RABGAP1L: variants seen among roughly 807,000 people sequenced by gnomAD.
RABGAP1L encodes rab GTPase-activating protein 1-like.
Under a neutral mutation model 137.7 loss-of-function variants are expected in RABGAP1L, and 63 were observed. The observed-to-expected ratio is 0.46, with a 90% CI of 0.37 to 0.56. The LOEUF (loss-of-function observed/expected upper bound fraction) is 0.56. RABGAP1L is among the 20% of genes least tolerant of loss of function. The pLI is 0.00. For synonymous variants in RABGAP1L, 431 were observed against 433.7 expected (o/e 0.99, Z 0.08); for missense variants, 1,095 against 1,244.0 (o/e 0.88, Z 1.80).
chr1:174,984,122 G>A (rs759901292), intron 24 of RABGAP1L, among the ~76,000 whole-genome samples: 4 of 149,284 alleles, frequency 2.7e-5, no homozygotes, highest in Non-Finnish European at 5.9e-5. Flanking sequence ...ATAGGTATAC[G>A]TGTGCCATGG....
chr1:174,517,154 A>G (rs1662942580), intron 13 of RABGAP1L, among the ~76,000 whole-genome samples: 1 of 152,070 alleles, frequency 6.6e-6, no homozygotes, highest in African/African-American at 2.4e-5. Flanking sequence ...TCACTAAGAT[A>G]TAAGATTATT....
At chr1:174,862,339 T>C (rs1650397285) in intron 19 of RABGAP1L, among the ~76,000 whole-genome samples, 1 of 152,124 alleles carries the variant, frequency 6.6e-6, no homozygotes, top group Non-Finnish European at 1.5e-5. Context: ...GGGTGTGACA[T>C]ACCCTGAAAC....
intron 19 of RABGAP1L, among the ~76,000 whole-genome samples, chr1:174,817,078 A>G (rs1432037632): frequency 1.3e-5 from 2 of 152,090 alleles, no homozygotes; most frequent in Admixed American, 1.3e-4. Context: ...TTTATTTGGA[A>G]TAATGTTCCA....
intron 17 of RABGAP1L, among the ~76,000 whole-genome samples, chr1:174,713,243 A>G (rs1247830256): frequency 6.6e-6 from 1 of 152,238 alleles, no homozygotes; most frequent in Non-Finnish European, 1.5e-5. Context: ...GAGAACCATT[A>G]TGAAGAATTT....
intron 13 of RABGAP1L, among the ~76,000 whole-genome samples, chr1:174,553,164 C>T (rs922322656): frequency 1.3e-5 from 2 of 152,090 alleles, no homozygotes; most frequent in African/African-American, 4.8e-5. Context: ...AAATTTTCTC[C>T]CATTCTATAG....
At chr1:174,971,647 A>C (rs554786540) in intron 21 of RABGAP1L, among the ~76,000 whole-genome samples, 11 of 152,310 alleles carry the variant, frequency 7.2e-5, no homozygotes, top group African/African-American at 1.9e-4. Flanking sequence ...CTGATTTTGC[A>C]GTTTCCTCCT....
At chr1:174,458,157 T>C (rs1275662159) in intron 13 of RABGAP1L, among the ~76,000 whole-genome samples, 1 of 152,084 alleles carries the variant, frequency 6.6e-6, no homozygotes, top group African/African-American at 2.4e-5. Flanking sequence ...CAAATTACAG[T>C]CCGCTGACTA....
chr1:174,896,802 T>A (rs1657275015), intron 19 of RABGAP1L, among the ~76,000 whole-genome samples: 2 of 152,290 alleles, frequency 1.3e-5, no homozygotes, highest in South Asian at 4.1e-4. Context: ...GGTCTATATC[T>A]CTGTTTTGGT....
chr1:174,615,539 T>A (rs891170096), intron 13 of RABGAP1L, among the ~76,000 whole-genome samples: 3 of 152,210 alleles, frequency 2.0e-5, no homozygotes, highest in Admixed American at 1.3e-4. Flanking sequence ...AGGGACCCAA[T>A]TGAGGAGGCA....
At chr1:174,451,663 C>G (rs1000511694) in intron 13 of RABGAP1L, among the ~76,000 whole-genome samples, 1 of 152,180 alleles carries the variant, frequency 6.6e-6, no homozygotes, top group African/African-American at 2.4e-5. Context: ...TTTTGTACCT[C>G]TGTCTGTACC....
intron 13 of RABGAP1L, among the ~76,000 whole-genome samples, chr1:174,395,348 C>T (rs866808715): frequency 3.3e-5 from 5 of 151,942 alleles, no homozygotes; most frequent in Non-Finnish European, 4.4e-5. Flanking sequence ...GTGTGATTGG[C>T]TTAAAAAGAT....
At chr1:174,623,401 T>G (rs919544569) in intron 13 of RABGAP1L, among the ~76,000 whole-genome samples, 1 of 152,122 alleles carries the variant, frequency 6.6e-6, no homozygotes, top group Non-Finnish European at 1.5e-5. Flanking sequence ...AAACCACCCT[T>G]AAGTTCATAA....
intron 19 of RABGAP1L, among the ~76,000 whole-genome samples, chr1:174,921,395 T>C (rs1661774061): frequency 6.6e-6 from 1 of 152,242 alleles, no homozygotes; most frequent in Non-Finnish European, 1.5e-5. Context: ...TGTGGACAGA[T>C]ACATTTGTTT....
chr1:174,433,057 C>T (rs1334576124), intron 13 of RABGAP1L, among the ~76,000 whole-genome samples: 3 of 152,144 alleles, frequency 2.0e-5, no homozygotes, highest in Non-Finnish European at 4.4e-5. Flanking sequence ...GTATGCTTTA[C>T]ATGCTTTAAG....
intron 11 of RABGAP1L, among the ~76,000 whole-genome samples, chr1:174,318,339 TTTCTC>T (rs1270920261): frequency 2.6e-5 from 4 of 152,156 alleles, no homozygotes; most frequent in Non-Finnish European, 5.9e-5. Context: ...TGGGATAACT[TTTCTC>T]TTCACTACAT....
At chr1:174,754,963 AT>A (rs1573040186) in intron 18 of RABGAP1L, among the ~76,000 whole-genome samples, 5 of 152,364 alleles carry the variant, frequency 3.3e-5, no homozygotes, top group Admixed American at 6.5e-5. Flanking sequence ...TCTCATTAAC[AT>A]ACATTAAATG....
rs560562771 is a variant in RABGAP1L, at chr1:174,738,276, C to CACTT, written c.2170-14036_2170-14033dup. 1.3e-3 allele frequency among the ~76,000 whole-genome samples: 194 copies of CACTT among 152,266 alleles called. 1 individual carries two copies. The highest frequency in any genetic ancestry group is 4.4e-3 in the African/African-American group (183 of 41,550). ...GACACTCAGGAAGTAATCAGAAAGA[C>CACTT]ACTTCACTGGTTATTTCCCCCCAGC... On this transcript the variant is annotated intron_variant, in intron 17 of 25. Transcript: ENST00000681986.
chr1:174,666,985 CAAA>C (rs35100174), intron 14 of RABGAP1L, among the ~76,000 whole-genome samples: 4,061 of 119,280 alleles, frequency 0.034, 120 homozygotes, highest in African/African-American at 0.093. Flanking sequence ...AGTTACAAGG[CAAA>C]AAAAAAAAAA....
At chr1:174,744,987 A>G (rs957055743) in intron 17 of RABGAP1L, among the ~76,000 whole-genome samples, 4 of 152,176 alleles carry the variant, frequency 2.6e-5, no homozygotes, top group Non-Finnish European at 5.9e-5. Context: ...TTCCAAGTGA[A>G]AAAAAGTAAT....
Sources: gnomAD v4.1 joint callset for allele counts (sites outside exome capture counted in the v4.1 genomes callset) on GRCh38, gnomAD v4.1.1 for gene constraint, MANE v1.5 for transcripts, NCBI Gene and HGNC (gene_info 2026-07-23, HGNC 2026-07-21) for gene names.